SNTG2: variants seen among roughly 807,000 people sequenced by gnomAD.
SNTG2 encodes the protein syntrophin gamma 2.
Under a neutral mutation model 70.9 loss-of-function variants are expected in SNTG2, and 74 were observed. The ratio of observed to expected loss-of-function variants is 1.04; its 90% CI spans 0.86 to 1.27. The LOEUF is 1.27. SNTG2 is among the 50% of genes most tolerant of loss of function. SNTG2 has a pLI of 0.00. For synonymous variants in SNTG2, 278 were observed against 273.8 expected, an observed-to-expected ratio of 1.02 and a Z score of -0.15; for missense variants, 717 against 690.7, an observed-to-expected ratio of 1.04 and a Z score of -0.43.
Position 1,097,703 on chromosome 2 carries a change from G to A in SNTG2, c.211-493G>A, listed in dbSNP as rs768923837. On this transcript the variant is annotated intron_variant, in intron 2 of 16. Transcript: ENST00000308624. The surrounding 1 kb of genome is among the most constrained non-coding windows in gnomAD (Gnocchi z 4.1). ...TCCCAGACATCTGTGGTCAGAGGAC[G>A]TGAAAAAATGGATCATTCATGAATT... Among the ~76,000 whole-genome samples the A allele has an allele frequency of 2.6e-5, 4 of 152,122 alleles. No individual in the cohort carries two copies. The highest frequency in any genetic ancestry group is 2.1e-4 in the South Asian group (1 of 4,822).
rs781407119 is a variant in SNTG2 at position 1,239,749 on chromosome 2, G to A, written c.861G>A (p.Ala287=). ...CCTTCTCTCCACAGATGAAGATGGC[G>A]AACAAATGCTGCTCTCCTTCCGACC... ...RELTLQNMKM[A]NKCCSPSDQV... is the part of the protein sequence containing the mutation. The change falls in exon 11 of 17, where the codon GCG becomes GCA. Residue 287 remains alanine, a synonymous_variant. Transcript: ENST00000308624. 1.5e-5 allele frequency: 24 copies of A among 1,613,454 alleles called. No homozygotes were observed. The highest frequency in any genetic ancestry group is 1.6e-4 in the Middle Eastern group (1 of 6,062).
At chr2:1,178,544 G>A (rs1216933784) in intron 8 of SNTG2, among the ~76,000 whole-genome samples, 1 of 152,112 alleles carries the variant, frequency 6.6e-6, no homozygotes, top group Non-Finnish European at 1.5e-5. Context: ...GGCCTTTTCT[G>A]CATCTATTGA....
intron 9 of SNTG2, among the ~76,000 whole-genome samples, chr2:1,217,658 C>A (rs1320264244): frequency 6.6e-6 from 1 of 152,036 alleles, no homozygotes; most frequent in East Asian, 1.9e-4. Context: ...GTCTACATTT[C>A]TATTATGTAG....
intron 4 of SNTG2, among the ~76,000 whole-genome samples, chr2:1,122,941 CATTT>C (rs1284148560): frequency 7.3e-5 from 11 of 151,656 alleles, no homozygotes; most frequent in South Asian, 2.1e-4. Context: ...AAAACAATCC[CATTT>C]ATTAATGCAA....
At chr2:1,164,409 C>A (rs1670564506) in intron 6 of SNTG2, among the ~76,000 whole-genome samples, 1 of 124,262 alleles carries the variant, frequency 8.0e-6, no homozygotes, top group Non-Finnish European at 1.7e-5. Flanking sequence ...TATGCCTGGC[C>A]TAGGAGTATG....
At chr2:1,101,608 G>A (rs1665783476) in intron 4 of SNTG2, among the ~76,000 whole-genome samples, 1 of 95,912 alleles carries the variant, frequency 1.0e-5, no homozygotes, top group Non-Finnish European at 2.0e-5. Context: ...GATGAAGGGA[G>A]TGCAGGAGGG....
intron 1 of SNTG2, among the ~76,000 whole-genome samples, chr2:973,083 T>C (rs983528858): frequency 6.6e-6 from 1 of 152,250 alleles, no homozygotes; most frequent in African/African-American, 2.4e-5. Context: ...TAGTACATTC[T>C]TTGTTTGATT....
chr2:1,138,401 C>T (rs1668535350), intron 6 of SNTG2, among the ~76,000 whole-genome samples: 1 of 152,142 alleles, frequency 6.6e-6, no homozygotes, highest in South Asian at 2.1e-4. Flanking sequence ...ACGTCTATCC[C>T]CGAGGTACTC....
At position 1,042,474 on chromosome 2, in the gene SNTG2, A is replaced by G. The variant is rs900568132; in HGVS notation, c.73-41044A>G. ...TGGTGTACAGCTTATTTTGTCACTC[A>G]GGTAATAATAGTACTCAATAGGTAG... On this transcript the variant is annotated intron_variant, in intron 1 of 16. Transcript: ENST00000308624. Among the ~76,000 whole-genome samples, 36 of 152,270 alleles carry G rather than the reference A, an allele frequency of 2.4e-4. 1 individual carries two copies. Among genetic ancestry groups the G allele is most frequent in the African/African-American group, 8.7e-4 (36 of 41,566 alleles).
intron 1 of SNTG2, among the ~76,000 whole-genome samples, chr2:1,017,746 A>G (rs1483381651): frequency 6.6e-6 from 1 of 152,256 alleles, no homozygotes; most frequent in Non-Finnish European, 1.5e-5. Context: ...TTCTGATCAC[A>G]GATAAGCATT....
chr2:1,143,984 CT>C (rs1668936277), intron 6 of SNTG2, among the ~76,000 whole-genome samples: 1 of 151,384 alleles, frequency 6.6e-6, no homozygotes, highest in African/African-American at 2.4e-5. Flanking sequence ...CTCATGAAAA[CT>C]CTGGAACGCT....
chr2:1,224,020 T>C (rs138476540), intron 9 of SNTG2, among the ~76,000 whole-genome samples: 107 of 151,148 alleles, frequency 7.1e-4, no homozygotes, highest in African/African-American at 2.5e-3. Flanking sequence ...GTCAGTCTGG[T>C]GAGGGCCTGT....
chr2:1,250,947 G>A (rs939600790), intron 12 of SNTG2, among the ~76,000 whole-genome samples: 3 of 152,178 alleles, frequency 2.0e-5, no homozygotes, highest in African/African-American at 7.2e-5. Flanking sequence ...CCTAGAACAT[G>A]ATTGTTTTCA....
At chr2:1,272,025 C>A (rs1572900291) in intron 14 of SNTG2, among the ~76,000 whole-genome samples, 1 of 152,244 alleles carries the variant, frequency 6.6e-6, no homozygotes, top group Admixed American at 6.5e-5. Context: ...ACGGTCCCAA[C>A]CTTTATGGTG....
intron 16 of SNTG2, among the ~76,000 whole-genome samples, chr2:1,366,200 A>G (rs978688740): frequency 9.2e-5 from 14 of 152,198 alleles, no homozygotes; most frequent in African/African-American, 3.4e-4. Flanking sequence ...TCTTCATTTT[A>G]TTGAATTTTG....
At chr2:1,363,740 G>A (rs544317113) in intron 16 of SNTG2, among the ~76,000 whole-genome samples, 1 of 152,320 alleles carries the variant, frequency 6.6e-6, no homozygotes, top group East Asian at 1.9e-4. Flanking sequence ...GTAATACTTG[G>A]TTAGAAAATT....
At chr2:1,180,868 C>G (rs1671838151) in intron 8 of SNTG2, among the ~76,000 whole-genome samples, 2 of 151,998 alleles carry the variant, frequency 1.3e-5, no homozygotes, top group South Asian at 4.2e-4. Context: ...CACATATGCA[C>G]CATGGAATAC....
At chr2:1,084,941 C>T (rs566307957) in intron 2 of SNTG2, among the ~76,000 whole-genome samples, 3 of 152,268 alleles carry the variant, frequency 2.0e-5, no homozygotes, top group South Asian at 2.1e-4. Flanking sequence ...GCCCACACCC[C>T]GGCACCACTG....
chr2:1,316,423 G>A, intron 16 of SNTG2, 48 bp downstream of exon 16: 2 of 990,336 alleles, frequency 2.0e-6, no homozygotes, highest in Non-Finnish European at 3.1e-6. Context: ...CACACATAAA[G>A]TACAGCTCAG....
Sources: allele counts gnomAD v4.1 joint callset (sites outside exome capture counted in the v4.1 genomes callset), GRCh38; gene constraint gnomAD v4.1.1; non-coding constraint Gnocchi (gnomAD v3.1); transcripts MANE v1.5; gene names NCBI Gene and HGNC (gene_info 2026-07-23, HGNC 2026-07-21).